C1orf35: variants seen among roughly 807,000 people sequenced by gnomAD.
The protein encoded by C1orf35 is multiple myeloma tumor-associated protein 2.
A neutral mutation model predicts 30.9 loss-of-function variants in C1orf35; 36 were observed. The ratio of observed to expected loss-of-function variants is 1.16; its 90% CI spans 0.89 to 1.54. C1orf35 has a LOEUF of 1.54. Among genes scored for constraint, C1orf35 ranks in the 40% most tolerant of loss-of-function variants. The pLI, the probability that C1orf35 is intolerant of heterozygous loss-of-function variation, is 0.00. For missense variants in C1orf35, 396 were observed against 358.7 expected (o/e 1.10, Z -0.84); for synonymous variants, 179 against 148.2 (o/e 1.21, Z -1.51).
Position 228,103,219 on chromosome 1 carries a change from G to A in C1orf35, c.9C>T (p.Gly3=). The A allele has an allele frequency of 3.1e-6, 5 of 1,609,874 alleles. No homozygotes were observed. The highest frequency in any genetic ancestry group is 1.1e-5 in the South Asian group (1 of 90,518). ...CGCCGCGCACGCCTCCACGACTGGA[G>A]CCGAACATGGCGCCGGGAAGGCAGT... MF[G]SSRGGVRGGQ... Residue 3 remains glycine (G), a synonymous_variant, in exon 1 of 8, where the codon GGC becomes GGT. Transcript: ENST00000272139.
rs1037499470 is a variant in C1orf35, at chr1:228,102,133, G to C, written c.480C>G (p.Thr160=). The part of the protein sequence containing the change: ...HHRVESGGPG[T]SAASARRKPR... ...GCTTCCTCCTGGCCGAGGCTGCCGA[G>C]GTCCCGGGCCCGCCGCTCTCTACGC... Residue 160 remains threonine (T), a synonymous_variant, in exon 6 of 8, where the codon ACC becomes ACG. Transcript: ENST00000272139. 1 of 1,568,052 alleles carries C rather than the reference G, an allele frequency of 6.4e-7. No individual in the cohort carries two copies. The highest frequency in any genetic ancestry group is 1.3e-5 in the African/African-American group (1 of 74,218).
Position 228,103,167 on chromosome 1 carries a change from C to T in C1orf35, c.61G>A (p.Val21Met). The T allele has an allele frequency of 6.2e-7, 1 of 1,611,878 alleles. No individual in the cohort carries two copies. The highest frequency in any genetic ancestry group is 8.5e-7 in the Non-Finnish European group (1 of 1,179,496). The change falls in exon 1 of 8, where the codon GTG becomes ATG. Residue 21 changes from valine to methionine, a missense_variant. Physicochemically the swap from Val to Met is conservative, Grantham distance 21. Coordinates refer to ENST00000272139, the MANE Select transcript of C1orf35 (RefSeq NM_024319.4). Reference protein sequence around the residue: ...GGQDQFNWEDVKTDKQRENYL... With the variant: ...GGQDQFNWEDMKTDKQRENYL... ...TTCTCCCGCTGCTTGTCAGTCTTCA[C>T]GTCCTCCCAGTTGAACTGGTCCTGC...
intron 6 of C1orf35, 147 bp downstream of exon 6, chr1:228,101,933 G>C: frequency 7.0e-7 from 1 of 1,426,064 alleles, no homozygotes; most frequent in Non-Finnish European, 9.1e-7. Flanking sequence ...AAACCTAGGA[G>C]TAACTGGGAC....
intron 2 of C1orf35, 88 bp downstream of exon 2, chr1:228,102,811 A>G: frequency 3.7e-6 from 1 of 272,130 alleles, no homozygotes; most frequent in Admixed American, 7.3e-5. Flanking sequence ...GCTCCCGCCC[A>G]GCCCGACCCC....
At chr1:228,101,836 T>C in intron 6 of C1orf35, 1 of 1,410,882 alleles carries the variant, frequency 7.1e-7, no homozygotes, top group Non-Finnish European at 9.2e-7. Flanking sequence ...CCCCAGGTCC[T>C]GAGTGCCCTC....
In C1orf35 at chr1:228,100,984, C is replaced by T; in HGVS notation, c.*147G>A. ...GCTGCTCCAGAGCTAGCTGTCAAGT[C>T]TTTAGCCCCACAGGCTGGTGCCCAG... is the stretch of plus-strand genomic sequence containing the variant. On this transcript the variant is annotated 3_prime_UTR_variant, in exon 8 of 8. Transcript: ENST00000272139. 8.2e-7 allele frequency: 1 copy of T among 1,222,148 alleles called. No individual in the cohort carries two copies. Among genetic ancestry groups the T allele is most frequent in the Non-Finnish European group, 1.1e-6 (1 of 879,030 alleles). 75.7% of individuals were successfully genotyped at this position (1,222,148 alleles called of 1,614,324 possible). A position where few individuals can be genotyped will look rare whatever the true frequency, so the allele number is the denominator to read the frequency against.
rs1320904636 is a variant in C1orf35, at chr1:228,102,837, G to GCCCCAC, written c.245+56_245+61dup. 6.0e-5 allele frequency: 46 copies of GCCCCAC among 766,616 alleles called. No homozygotes were observed. The East Asian group carries it at 8.0e-4, about 13-fold the overall frequency. The allele number at this position is 766,616 out of a possible 1,614,324, so 47.5% of individuals were successfully genotyped here. ...GCCCGACCCCCAGTCCCCGGCCCCGGCCCCACCCTGCCCCGGCAGCGCCGT... is the reference window on the plus strand; with the variant it reads ...GCCCGACCCCCAGTCCCCGGCCCCGGCCCCACCCCCACCCTGCCCCGGCAGCGCCGT... On this transcript the variant is annotated intron_variant, in intron 2 of 7. Coordinates refer to ENST00000272139, the MANE Select transcript of C1orf35 (RefSeq NM_024319.4).
At chr1:228,102,432 G>A (rs964177292) in intron 4 of C1orf35, 46 bp downstream of exon 4, 7 of 1,580,944 alleles carry the variant, frequency 4.4e-6, no homozygotes, top group South Asian at 1.1e-5. Flanking sequence ...CGCCTCACCC[G>A]AGCAATCGAG....
intron 5 of C1orf35, 34 bp downstream of exon 5, chr1:228,102,276 G>C: frequency 6.2e-7 from 1 of 1,605,388 alleles, no homozygotes; most frequent in South Asian, 1.1e-5. Flanking sequence ...ACCCCTGTTA[G>C]CCCCTGCTGC....
In C1orf35 at chr1:228,102,101, G is replaced by T; in HGVS notation, c.512C>A (p.Ala171Glu). Residue 171 changes from alanine to glutamate, a missense_variant, in exon 6 of 8, where the codon GCG (alanine) becomes GAG (glutamate). Ala to Glu is a moderately radical substitution (Grantham distance 107). Coordinates refer to ENST00000272139, the MANE Select transcript of C1orf35 (RefSeq NM_024319.4). ...TCACCTGCTTTCCGTCTGATCCTCC[G>T]CCCGCGGCTTCCTCCTGGCCGAGGC... ...SAASARRKPRAEDQTESSCES... is the reference protein window; with the variant it reads ...SAASARRKPREEDQTESSCES... 6.3e-7 allele frequency: 1 copy of T among 1,581,196 alleles called. No individual in the cohort carries two copies.
intron 6 of C1orf35, chr1:228,101,764 G>C: frequency 7.1e-7 from 1 of 1,409,158 alleles, no homozygotes. Flanking sequence ...CTTAGGGTCA[G>C]GCCCAGGCTC....
chr1:228,102,179 G>C lies in C1orf35; in HGVS notation c.448-14C>G. 8 of 1,573,152 alleles carry C rather than the reference G, an allele frequency of 5.1e-6. No homozygotes were observed. The highest frequency in any genetic ancestry group is 6.9e-6 in the Non-Finnish European group (8 of 1,166,270). On this transcript the variant is annotated splice_polypyrimidine_tract_variant and intron_variant, in intron 5 of 7. Transcript: ENST00000272139. Reference sequence around the variant, plus strand: ...TACGCGGTGATGCTGCGGGAGAAGCGAGCTCTGCGGAGGAGTCTGCGGGCC... The same window carrying C: ...TACGCGGTGATGCTGCGGGAGAAGCCAGCTCTGCGGAGGAGTCTGCGGGCC...
At position 228,100,814 on chromosome 1, in the gene C1orf35, G is replaced by A. The variant is rs887933051; in HGVS notation, c.*317C>T. ...CACCATACTTGGCCACAGTTAGACC[G>A]CTCATAGGCCCATGGCTGCTGCAAC... On this transcript the variant is annotated 3_prime_UTR_variant, in exon 8 of 8. Coordinates refer to ENST00000272139, the MANE Select transcript of C1orf35 (RefSeq NM_024319.4). The A allele has an allele frequency of 1.3e-5, 5 of 388,220 alleles. No homozygotes were observed. The highest frequency in any genetic ancestry group is 6.0e-5 in the African/African-American group (3 of 49,732). The allele number at this position is 388,220 out of a possible 1,614,324, so 24.0% of individuals were successfully genotyped here.
chr1:228,102,744 C>G, intron 2 of C1orf35, 56 bp from the exon 3 acceptor site: 1 of 1,558,744 alleles, frequency 6.4e-7, no homozygotes, highest in Non-Finnish European at 8.7e-7. Flanking sequence ...CACCACAGGT[C>G]CTCACCACTC....
chr1:228,102,361 C>G lies in C1orf35; in HGVS notation c.396G>C (p.Ala132=). The change falls in exon 5 of 8, where the codon GCG becomes GCC. Residue 132 remains alanine (A), a synonymous_variant. Transcript: ENST00000272139. ...GSASGSVGRV[A]MSREDKEAAK... ...CGGCCTCCTTGTCCTCTCGGGACAT[C>G]GCCACGCGGCCCACGGAGCCACTGC... The G allele has an allele frequency of 1.9e-6, 3 of 1,611,152 alleles. No homozygotes were observed. The highest frequency in any genetic ancestry group is 8.5e-7 in the Non-Finnish European group (1 of 1,179,608).
Position 228,101,721 on chromosome 1 carries a change from T to A in C1orf35, c.534-248A>T, listed in dbSNP as rs561897613. On this transcript the variant is annotated intron_variant, in intron 6 of 7. Coordinates refer to ENST00000272139, the MANE Select transcript of C1orf35 (RefSeq NM_024319.4). The stretch of plus-strand genomic sequence containing the variant: ...CACCCCAGCCGTGCCCTTGGCAGGT[T>A]GACACCTTCCTACCTGCACCCACCA... 4 of 1,414,976 alleles carry A rather than the reference T, an allele frequency of 2.8e-6. No homozygotes were observed. The African/African-American group carries it at 5.8e-5, about 20-fold the overall frequency. The allele number at this position is 1,414,976 out of a possible 1,614,324, so 87.7% of individuals were successfully genotyped here. A position where few individuals can be genotyped will look rare whatever the true frequency, so the allele number is the denominator to read the frequency against.
Position 228,103,232 on chromosome 1 carries a change from C to G in C1orf35, c.-5G>C, listed in dbSNP as rs772882804. On this transcript the variant is annotated 5_prime_UTR_variant, in exon 1 of 8. Transcript: ENST00000272139. ...TCCACGACTGGAGCCGAACATGGCG[C>G]CGGGAAGGCAGTTGCCTGGGGCCTG... 1.9e-6 allele frequency: 3 copies of G among 1,609,106 alleles called. 1 individual carries two copies.
At position 228,102,504 on chromosome 1, in the gene C1orf35, G is replaced by T; in HGVS notation, c.348C>A (p.Asp116Glu). The T allele has an allele frequency of 6.4e-7, 1 of 1,558,874 alleles. No individual in the cohort carries two copies. Among genetic ancestry groups the T allele is most frequent in the Non-Finnish European group, 8.7e-7 (1 of 1,155,262 alleles). Residue 116 changes from aspartate (D) to glutamate (E), a missense_variant, in exon 4 of 8, where the codon GAC (aspartate) becomes GAA (glutamate). Asp to Glu is a conservative substitution (Grantham distance 45). Coordinates refer to ENST00000272139, the MANE Select transcript of C1orf35 (RefSeq NM_024319.4). ...EGGDPEEKGVDRLLGLGSASG... is the reference protein window; with the variant it reads ...EGGDPEEKGVERLLGLGSASG... Reference sequence around the variant, plus strand: ...TTGCGCTCCCCAGCCCCAGCAGCCGGTCCACGCCCTTCTCCTCGGGGTCGC... The same window carrying T: ...TTGCGCTCCCCAGCCCCAGCAGCCGTTCCACGCCCTTCTCCTCGGGGTCGC...
At chr1:228,101,710 C>T in intron 6 of C1orf35, 2 of 1,426,310 alleles carry the variant, frequency 1.4e-6, no homozygotes, top group Non-Finnish European at 1.8e-6. Context: ...CCAGCCGTGC[C>T]CTTGGCAGGT....
Sources: allele counts gnomAD v4.1 joint callset, GRCh38; gene constraint gnomAD v4.1.1; transcripts MANE v1.5; gene names NCBI Gene and HGNC (gene_info 2026-07-23, HGNC 2026-07-21).